KICS2: variants seen among roughly 807,000 people sequenced by gnomAD.
KICS2 encodes the protein KICSTOR complex protein C12orf66.
Under a neutral mutation model 31.4 loss-of-function variants are expected in KICS2, and 13 were observed. That is an observed-to-expected ratio of 0.41 (90% CI 0.27 to 0.66). The LOEUF (loss-of-function observed/expected upper bound fraction) is 0.66. KICS2 is among the 30% of genes least tolerant of loss of function. The pLI is 0.28. For synonymous variants in KICS2, 209 were observed against 214.8 expected (o/e 0.97, Z 0.24); for missense variants, 455 against 545.4 (o/e 0.83, Z 1.65).
At chr12:64,201,921 G>A (rs1405867962) in intron 2 of KICS2, among the ~76,000 whole-genome samples, 4 of 152,126 alleles carry the variant, frequency 2.6e-5, no homozygotes, top group African/African-American at 7.2e-5. Context: ...ATTTATCTTA[G>A]GATAAAACCC....
At chr12:64,186,674 G>C (rs1246623298), downstream of KICS2, 1 of 152,102 alleles carries the variant, frequency 6.6e-6, no homozygotes, top group African/African-American at 2.4e-5. Context: ...AAAATTTGTA[G>C]GGAGGTATGC....
At chr12:64,213,354 T>C (rs1477688198) in intron 2 of KICS2, among the ~76,000 whole-genome samples, 1 of 152,116 alleles carries the variant, frequency 6.6e-6, no homozygotes, top group Non-Finnish European at 1.5e-5. Flanking sequence ...CAATGATGCA[T>C]ACACAAAAGA....
chr12:64,218,678 A>G (rs1429933869), intron 1 of KICS2, among the ~76,000 whole-genome samples: 3 of 151,976 alleles, frequency 2.0e-5, no homozygotes, highest in Non-Finnish European at 2.9e-5. Flanking sequence ...TGAAAAAGGG[A>G]TATCATCTGT....
At position 64,192,911 on chromosome 12, in the gene KICS2, G is replaced by T. The variant is rs528155796; in HGVS notation, c.*931C>A. 1.0e-6 allele frequency: 1 copy of T among 985,300 alleles called. No individual in the cohort carries two copies. The highest frequency in any genetic ancestry group is 6.2e-5 in the Admixed American group (1 of 16,258). 61.0% of individuals were successfully genotyped at this position (985,300 alleles called of 1,614,324 possible). On this transcript the variant is annotated 3_prime_UTR_variant, in exon 3 of 3. Coordinates refer to ENST00000398055, the MANE Select transcript of KICS2 (RefSeq NM_152440.5). Reference sequence around the variant, plus strand: ...ACAGTTGATTTTTAGCAAGTACAGCGTATGAAGACCTTCATTTTGATTTTA... The same window carrying T: ...ACAGTTGATTTTTAGCAAGTACAGCTTATGAAGACCTTCATTTTGATTTTA...
At position 64,210,058 on chromosome 12, in the gene KICS2, T is replaced by A. The variant is rs73325027; in HGVS notation, c.521+5620A>T. ...GTCTACAGAAAAAAGCACATTAACC[T>A]AGCAAAGGGCAAAATCATGTTAGTT... On this transcript the variant is annotated intron_variant, in intron 2 of 2. Coordinates refer to ENST00000398055, the MANE Select transcript of KICS2 (RefSeq NM_152440.5). Among the ~76,000 whole-genome samples the A allele has an allele frequency of 9.9e-3, 1,505 of 152,318 alleles. 27 individuals are homozygous for A. The highest frequency in any genetic ancestry group is 0.033 in the African/African-American group (1,356 of 41,578).
chr12:64,189,181 TAAAG>T (rs562641813), downstream of KICS2, among the ~76,000 whole-genome samples: 317 of 152,084 alleles, frequency 2.1e-3, no homozygotes, highest in African/African-American at 7.4e-3. Context: ...ATAAATAAAA[TAAAG>T]AAAAGCAAAA....
intron 2 of KICS2, among the ~76,000 whole-genome samples, chr12:64,211,927 T>C (rs2037585747): frequency 6.6e-6 from 1 of 152,174 alleles, no homozygotes; most frequent in Admixed American, 6.5e-5. Flanking sequence ...TAAAAACTGT[T>C]TTTTTCATTC....
At chr12:64,215,120 A>G (rs1055337535) in intron 2 of KICS2, among the ~76,000 whole-genome samples, 2 of 150,322 alleles carry the variant, frequency 1.3e-5, no homozygotes, top group African/African-American at 2.4e-5. Flanking sequence ...AGCCCGGCCA[A>G]TATGGTGAGA....
intron 1 of KICS2, among the ~76,000 whole-genome samples, chr12:64,217,932 G>A (rs572743937): frequency 1.0e-3 from 159 of 151,914 alleles, no homozygotes; most frequent in Non-Finnish European, 1.9e-3. Context: ...AAGGAAGGAA[G>A]AAAGAAAGAG....
At chr12:64,203,121 G>A (rs1302482240) in intron 2 of KICS2, among the ~76,000 whole-genome samples, 5 of 152,160 alleles carry the variant, frequency 3.3e-5, no homozygotes, top group Non-Finnish European at 7.3e-5. Context: ...CCAAGCGGAA[G>A]TAATAGCTGC....
In KICS2 at chr12:64,192,771, C is replaced by G. The variant is rs1378891347; in HGVS notation, c.*1071G>C. ...AAGGAAAGAAATAAGGCAGCATGTGCTAAGATGCAGTGCTGCTTCTAAACA... is the reference window on the plus strand; with the variant it reads ...AAGGAAAGAAATAAGGCAGCATGTGGTAAGATGCAGTGCTGCTTCTAAACA... On this transcript the variant is annotated 3_prime_UTR_variant, in exon 3 of 3. Transcript: ENST00000398055. 5.1e-6 allele frequency: 5 copies of G among 985,484 alleles called. No homozygotes were observed. The East Asian group carries it at 4.5e-4, about 90-fold the overall frequency. 61.0% of individuals were successfully genotyped at this position (985,484 alleles called of 1,614,324 possible).
downstream of KICS2, among the ~76,000 whole-genome samples, chr12:64,187,847 C>G (rs1709064478): frequency 6.6e-6 from 1 of 152,098 alleles, no homozygotes; most frequent in South Asian, 2.1e-4. Context: ...TAAAAGTGAT[C>G]TTTTACATAA....
chr12:64,216,575 A>T (rs2136706997), intron 1 of KICS2, among the ~76,000 whole-genome samples: 1 of 152,340 alleles, frequency 6.6e-6, no homozygotes, highest in South Asian at 2.1e-4. Flanking sequence ...AGGAGAATAA[A>T]GAAAATCTTA....
At chr12:64,196,140 G>A (rs1397289344) in intron 2 of KICS2, among the ~76,000 whole-genome samples, 1 of 152,162 alleles carries the variant, frequency 6.6e-6, no homozygotes, top group African/African-American at 2.4e-5. Flanking sequence ...CTCCACCTCT[G>A]GGGGCAGGGC....
intron 1 of KICS2, 123 bp from the exon 2 acceptor site, chr12:64,216,086 A>G (rs1489692241): frequency 1.3e-6 from 1 of 782,372 alleles, no homozygotes; most frequent in African/African-American, 1.8e-5. Flanking sequence ...TTCATCTACC[A>G]TATTCTCTGT....
At chr12:64,220,284 T>A (rs1158757820) in intron 1 of KICS2, among the ~76,000 whole-genome samples, 2 of 152,126 alleles carry the variant, frequency 1.3e-5, no homozygotes, top group African/African-American at 4.8e-5. Context: ...GAGGACCACT[T>A]TACAGAACCC....
chr12:64,209,384 A>T (rs1395584000), intron 2 of KICS2, among the ~76,000 whole-genome samples: 4 of 152,112 alleles, frequency 2.6e-5, no homozygotes, highest in African/African-American at 9.7e-5. Context: ...CAGGGGTTCA[A>T]GACCAGCCTG....
At chr12:64,195,650 C>A (rs113152602) in intron 2 of KICS2, among the ~76,000 whole-genome samples, 2 of 152,206 alleles carry the variant, frequency 1.3e-5, no homozygotes, top group African/African-American at 4.8e-5. Flanking sequence ...GCATGAGCAA[C>A]GCAGAAGACG....
chr12:64,218,714 A>G (rs2037652870), intron 1 of KICS2, among the ~76,000 whole-genome samples: 1 of 152,154 alleles, frequency 6.6e-6, no homozygotes, highest in African/African-American at 2.4e-5. Flanking sequence ...GAGAAAAAAA[A>G]AAAAGGATAC....
Sources: gnomAD v4.1 joint callset for allele counts (sites outside exome capture counted in the v4.1 genomes callset) on GRCh38, gnomAD v4.1.1 for gene constraint, MANE v1.5 for transcripts, NCBI Gene and HGNC (gene_info 2026-07-23, HGNC 2026-07-21) for gene names.